The following PRKD3 variants were observed in gnomAD, a reference collection of about 807,000 sequenced individuals.
PRKD3 encodes the protein protein kinase D3, also known as serine/threonine-protein kinase D3.
Under a neutral mutation model 99.2 loss-of-function variants are expected in PRKD3, and 47 were observed. The ratio of observed to expected loss-of-function variants is 0.47; its 90% CI spans 0.38 to 0.60. The LOEUF (loss-of-function observed/expected upper bound fraction) is 0.60. PRKD3 is among the 20% of genes least tolerant of loss of function. PRKD3 has a pLI of 0.00. For synonymous variants in PRKD3, 392 were observed against 355.4 expected, an observed-to-expected ratio of 1.10 and a Z score of -1.16; for missense variants, 1,019 against 1,088.4, an observed-to-expected ratio of 0.94 and a Z score of 0.90.
intron 12 of PRKD3, 101 bp downstream of exon 12, chr2:37,272,279 G>A: frequency 1.3e-6 from 2 of 1,526,118 alleles, no homozygotes; most frequent in African/African-American, 1.4e-5. Context: ...GTCTAGCCTA[G>A]TACTTTGGGC....
At chr2:37,259,253 C>T (rs1668224997) in intron 16 of PRKD3, among the ~76,000 whole-genome samples, 1 of 152,144 alleles carries the variant, frequency 6.6e-6, no homozygotes, top group Non-Finnish European at 1.5e-5. Context: ...CCAGTAACAC[C>T]CCATTTGTTT....
At chr2:37,290,786 T>A (rs539320349) in intron 4 of PRKD3, 82 bp downstream of exon 4, 3 of 1,424,586 alleles carry the variant, frequency 2.1e-6, no homozygotes, top group South Asian at 2.7e-5. Flanking sequence ...CAACAGCTCG[T>A]CATCTTGCTT....
At chr2:37,284,746 T>G (rs971774108) in intron 6 of PRKD3, among the ~76,000 whole-genome samples, 2 of 152,226 alleles carry the variant, frequency 1.3e-5, no homozygotes, top group African/African-American at 4.8e-5. Flanking sequence ...TTTAATGTTC[T>G]TGTGTGCTAT....
rs57988914 is a variant in PRKD3 at position 37,302,206 on chromosome 2, T to C, written c.289-8935A>G. On this transcript the variant is annotated intron_variant, in intron 2 of 18. Coordinates refer to ENST00000234179, the MANE Select transcript of PRKD3 (RefSeq NM_005813.6). The stretch of plus-strand genomic sequence containing the variant: ...ATGATACAGCATGGTAGAAGCAAAA[T>C]GGCCCTTTAATTTGGCCTCTTTCCA... Among the ~76,000 whole-genome samples, 532 of 152,284 alleles carry C rather than the reference T, an allele frequency of 3.5e-3. 3 individuals carry two copies. Among genetic ancestry groups the C allele is most frequent in the African/African-American group, 0.012 (514 of 41,560 alleles).
chr2:37,293,348 A>C, intron 2 of PRKD3, 77 bp from the exon 3 acceptor site: 1 of 1,345,316 alleles, frequency 7.4e-7, no homozygotes, highest in Non-Finnish European at 9.9e-7. Flanking sequence ...TTTATCAAAG[A>C]ATTTAAAACA....
chr2:37,299,560 A>G (rs1260258881), intron 2 of PRKD3, among the ~76,000 whole-genome samples: 2 of 143,534 alleles, frequency 1.4e-5, no homozygotes, highest in African/African-American at 5.3e-5. Flanking sequence ...ACACACACAC[A>G]AGCTTCTGCA....
Position 37,254,258 on chromosome 2 carries a change from C to T in PRKD3, c.2445G>A (p.Val815=), listed in dbSNP as rs1248155185. ...AIDLINNLLQ[V]KMRKRYSVDK... ...CAACACTGTAACGTTTTCTCATCTT[C>T]ACTTGAAGCAGATTGTTTATCAGAT... The change falls in exon 18 of 19, where the codon GTG becomes GTA. Residue 815 remains valine, a synonymous_variant. Coordinates refer to ENST00000234179, the MANE Select transcript of PRKD3 (RefSeq NM_005813.6). The T allele has an allele frequency of 1.9e-6, 3 of 1,613,282 alleles. No individual in the cohort carries two copies. Among genetic ancestry groups the T allele is most frequent in the Non-Finnish European group, 2.5e-6 (3 of 1,179,428 alleles).
At chr2:37,314,211 A>G (rs767278816) in intron 2 of PRKD3, among the ~76,000 whole-genome samples, 1 of 152,222 alleles carries the variant, frequency 6.6e-6, no homozygotes, top group Non-Finnish European at 1.5e-5. Flanking sequence ...AACTGCACTC[A>G]ACAAGAGTAG....
intron 2 of PRKD3, among the ~76,000 whole-genome samples, chr2:37,315,648 T>C (rs1352015695): frequency 6.6e-6 from 1 of 152,216 alleles, no homozygotes; most frequent in Non-Finnish European, 1.5e-5. Context: ...TATGCTGCCT[T>C]GACTCTATAC....
intron 2 of PRKD3, among the ~76,000 whole-genome samples, chr2:37,314,244 G>T (rs910310722): frequency 5.3e-5 from 8 of 152,186 alleles, no homozygotes; most frequent in African/African-American, 1.9e-4. Flanking sequence ...AATGGGGAGA[G>T]TTCCTCTTGA....
At chr2:37,289,314 G>T (rs768184780) in intron 5 of PRKD3, 42 bp downstream of exon 5, 12 of 1,597,038 alleles carry the variant, frequency 7.5e-6, no homozygotes, top group Admixed American at 5.1e-5. Context: ...GAAACACAGA[G>T]AATAACTACT....
At chr2:37,308,634 T>C (rs569058480) in intron 2 of PRKD3, among the ~76,000 whole-genome samples, 24 of 152,070 alleles carry the variant, frequency 1.6e-4, no homozygotes, top group African/African-American at 5.5e-4. Context: ...TTTGTATTTT[T>C]AGTAGAGACA....
intron 1 of PRKD3, among the ~76,000 whole-genome samples, chr2:37,323,489 C>T (rs760183523): frequency 2.5e-4 from 38 of 152,034 alleles, no homozygotes; most frequent in Non-Finnish European, 3.8e-4. Context: ...AATCTTCTAA[C>T]TTCTTGGCTG....
intron 5 of PRKD3, among the ~76,000 whole-genome samples, chr2:37,287,088 G>A (rs1179395994): frequency 6.6e-6 from 1 of 151,748 alleles, no homozygotes; most frequent in Non-Finnish European, 1.5e-5. Flanking sequence ...AAATTAGCCA[G>A]GCGTGGGGGT....
intron 16 of PRKD3, among the ~76,000 whole-genome samples, chr2:37,259,242 TC>T (rs1668224185): frequency 6.6e-6 from 1 of 152,234 alleles, no homozygotes; most frequent in Admixed American, 6.5e-5. Flanking sequence ...ATCTCCCATT[TC>T]CAGTAACACC....
At chr2:37,308,383 T>G (rs1222246923) in intron 2 of PRKD3, among the ~76,000 whole-genome samples, 1 of 152,210 alleles carries the variant, frequency 6.6e-6, no homozygotes, top group East Asian at 1.9e-4. Flanking sequence ...AATTTTCTTT[T>G]GAGTTTCCAC....
intron 13 of PRKD3, chr2:37,268,597 A>G (rs1272221362): frequency 1.6e-5 from 4 of 248,720 alleles, no homozygotes; most frequent in South Asian, 8.5e-5. Flanking sequence ...AAGGGGAACC[A>G]TGTTTTTATT....
intron 2 of PRKD3, among the ~76,000 whole-genome samples, chr2:37,313,530 G>A (rs1210384871): frequency 6.6e-6 from 1 of 152,122 alleles, no homozygotes; most frequent in Non-Finnish European, 1.5e-5. Flanking sequence ...CACTTAAAAA[G>A]CAGAAGTTGA....
At position 37,260,213 on chromosome 2, in the gene PRKD3, G is replaced by C; in HGVS notation, c.2046+10C>G. 6.4e-7 allele frequency: 1 copy of C among 1,573,016 alleles called. No individual in the cohort carries two copies. Among genetic ancestry groups the C allele is most frequent in the South Asian group, 1.2e-5 (1 of 84,566 alleles). ...ATCGCTAGTTTAAAAAAAAAAAGGA[G>C]TTAAAATACCTGTGTGACCATGAAT... On this transcript the variant is annotated intron_variant, in intron 15 of 18. Coordinates refer to ENST00000234179, the MANE Select transcript of PRKD3 (RefSeq NM_005813.6).
Sources: allele counts gnomAD v4.1 joint callset (sites outside exome capture counted in the v4.1 genomes callset), GRCh38; gene constraint gnomAD v4.1.1; transcripts MANE v1.5; gene names NCBI Gene and HGNC (gene_info 2026-07-23, HGNC 2026-07-21).